Variants in CYTH1 observed in about 807,000 individuals in gnomAD.
CYTH1 encodes cytohesin 1, also known as cytohesin-1.
Under a neutral mutation model 61.8 loss-of-function variants are expected in CYTH1, and 18 were observed. The observed-to-expected ratio is 0.29, with a 90% CI of 0.20 to 0.43. The LOEUF (loss-of-function observed/expected upper bound fraction) is 0.43, where lower values mean the gene tolerates loss of function less well. Among genes scored for constraint, CYTH1 ranks in the 20% least tolerant of loss-of-function variants. CYTH1 has a pLI of 1.00. For missense variants in CYTH1, 336 were observed against 510.5 expected, an observed-to-expected ratio of 0.66 and a Z score of 3.29; for synonymous variants, 174 against 184.3, an observed-to-expected ratio of 0.94 and a Z score of 0.45.
chr17:78,719,374 T>C (rs1189610690), intron 1 of CYTH1, among the ~76,000 whole-genome samples: 1 of 151,842 alleles, frequency 6.6e-6, no homozygotes, highest in East Asian at 1.9e-4. Context: ...AACTATAGGA[T>C]AAGAAGGCAG....
At chr17:78,718,109 C>T (rs1261902031) in intron 1 of CYTH1, among the ~76,000 whole-genome samples, 1 of 151,878 alleles carries the variant, frequency 6.6e-6, no homozygotes, top group Admixed American at 6.6e-5. Context: ...CCAAGGAGGT[C>T]ATTGCCATTT....
At chr17:78,759,519 T>C (rs754370868) in intron 1 of CYTH1, among the ~76,000 whole-genome samples, 1 of 152,032 alleles carries the variant, frequency 6.6e-6, no homozygotes, top group Non-Finnish European at 1.5e-5. Flanking sequence ...CAAAGACACA[T>C]GGGGAAGCTA....
intron 1 of CYTH1, among the ~76,000 whole-genome samples, chr17:78,765,015 C>T (rs1417735839): frequency 1.3e-5 from 2 of 151,990 alleles, no homozygotes; most frequent in East Asian, 1.9e-4. Context: ...GAAGTCTTGT[C>T]GAGAGAGTGC....
At chr17:78,778,309 AAAAAAAAAAAAG>A (rs1232964471) in intron 1 of CYTH1, among the ~76,000 whole-genome samples, 35 of 146,268 alleles carry the variant, frequency 2.4e-4, no homozygotes, top group Non-Finnish European at 4.5e-4. Context: ...AAAAAAAAAA[AAAAAAAAAAAAG>A]GGAAAAAAAA....
chr17:78,754,255 C>T (rs1182548775), intron 1 of CYTH1, among the ~76,000 whole-genome samples: 1 of 152,212 alleles, frequency 6.6e-6, no homozygotes, highest in African/African-American at 2.4e-5. Context: ...CCCTCTTACG[C>T]AGATTTGCCC....
chr17:78,706,710 G>A lies in CYTH1; in HGVS notation c.170+1487C>T, dbSNP rs115430032. On this transcript the variant is annotated intron_variant, in intron 3 of 13. Transcript: ENST00000446868. ...TGGTTATATTATTTTATTCTCACTA[G>A]CACTTGCCAACATGAGGTACCATCA... is the stretch of plus-strand genomic sequence containing the variant. Among the ~76,000 whole-genome samples, 856 of 152,282 alleles carry A rather than the reference G, an allele frequency of 5.6e-3. 13 individuals carry two copies. The highest frequency in any genetic ancestry group is 0.02 in the African/African-American group (815 of 41,548).
chr17:78,752,362 A>G (rs1300584039), intron 1 of CYTH1, among the ~76,000 whole-genome samples: 1 of 152,208 alleles, frequency 6.6e-6, no homozygotes, highest in Non-Finnish European at 1.5e-5. Flanking sequence ...ATTGGAGTAA[A>G]ATCTCTACTA....
intron 1 of CYTH1, among the ~76,000 whole-genome samples, chr17:78,737,129 T>G (rs1047752484): frequency 6.6e-6 from 1 of 152,320 alleles, no homozygotes; most frequent in South Asian, 2.1e-4. Flanking sequence ...CTCTTCACTT[T>G]CAAGTACAGT....
chr17:78,682,161 C>T (rs183792501), intron 11 of CYTH1, among the ~76,000 whole-genome samples: 30 of 152,210 alleles, frequency 2.0e-4, no homozygotes, highest in Admixed American at 1.5e-3. Context: ...GTTTCTCTTC[C>T]GACCTGTGCC....
At chr17:78,750,306 A>G (rs1270899092) in intron 1 of CYTH1, among the ~76,000 whole-genome samples, 1 of 152,152 alleles carries the variant, frequency 6.6e-6, no homozygotes, top group Non-Finnish European at 1.5e-5. Context: ...CACCTATGTG[A>G]GCGGATATGC....
chr17:78,675,906 TC>T lies in CYTH1; in HGVS notation c.*184del. 6.6e-7 allele frequency: 1 copy of T among 1,524,574 alleles called. No homozygotes were observed. Among genetic ancestry groups the T allele is most frequent in the Admixed American group, 2.1e-5 (1 of 47,002 alleles). The allele number at this position is 1,524,574 out of a possible 1,614,324, so 94.4% of individuals were successfully genotyped here. ...GCTGGACAGGTGGCCGGTCCTCTCT[TC>T]CCCAGTGATAACTGCCCACCCTTCT... On this transcript the variant is annotated 3_prime_UTR_variant, in exon 14 of 14. Transcript: ENST00000446868.
At chr17:78,779,290 C>T (rs1343540131) in intron 1 of CYTH1, among the ~76,000 whole-genome samples, 2 of 150,882 alleles carry the variant, frequency 1.3e-5, no homozygotes. Flanking sequence ...ATCCCAGCTA[C>T]TCAGGAGGCT....
At position 78,700,225 on chromosome 17, in the gene CYTH1, T is replaced by C. The variant is rs553519109; in HGVS notation, c.550+106A>G. Reference sequence around the variant, plus strand: ...ATTATAACTATCATTGAGTAAACGTTCCTAGGCATGAATCTCAGCCCTTTT... The same window carrying C: ...ATTATAACTATCATTGAGTAAACGTCCCTAGGCATGAATCTCAGCCCTTTT... On this transcript the variant is annotated intron_variant, in intron 7 of 13. Transcript: ENST00000446868. This position sits in a 1 kb window ranked among gnomAD's most constrained non-coding sequence, Gnocchi z 5.1. The C allele has an allele frequency of 7.2e-5, 69 of 956,604 alleles. No homozygotes were observed. The Admixed American group carries it at 2.0e-3, about 28-fold the overall frequency. 59.3% of individuals were successfully genotyped at this position (956,604 alleles called of 1,614,324 possible).
At chr17:78,731,226 C>A (rs2093292455) in intron 1 of CYTH1, among the ~76,000 whole-genome samples, 1 of 152,036 alleles carries the variant, frequency 6.6e-6, no homozygotes, top group African/African-American at 2.4e-5. Context: ...TTTCAGAGTC[C>A]TTCCCAGGAG....
At chr17:78,728,685 G>T (rs1426275532) in intron 1 of CYTH1, among the ~76,000 whole-genome samples, 9 of 152,188 alleles carry the variant, frequency 5.9e-5, no homozygotes, top group Non-Finnish European at 1.3e-4. Context: ...TAACGTGAGG[G>T]TGTAGCTACC....
chr17:78,760,355 T>TATATATATATA (rs2093416888), intron 1 of CYTH1, among the ~76,000 whole-genome samples: 2 of 52,276 alleles, frequency 3.8e-5, no homozygotes, highest in Admixed American at 2.1e-4. Context: ...AATAGCAGGT[T>TATATATATATA]TATATATATA....
chr17:78,741,629 G>C (rs764045894), intron 1 of CYTH1, among the ~76,000 whole-genome samples: 14 of 152,226 alleles, frequency 9.2e-5, no homozygotes, highest in Non-Finnish European at 2.1e-4. Context: ...GCTAAGTCAA[G>C]ACGGGGTGCG....
At chr17:78,686,786 A>T in intron 11 of CYTH1, among the ~76,000 whole-genome samples, 1 of 151,868 alleles carries the variant, frequency 6.6e-6, no homozygotes, top group Non-Finnish European at 1.5e-5. Flanking sequence ...TAATTTATTT[A>T]TTTTTATTTT....
At position 78,726,830 on chromosome 17, in the gene CYTH1, C is replaced by T. The variant is rs540222286; in HGVS notation, c.23-17098G>A. On this transcript the variant is annotated intron_variant, in intron 1 of 13. Transcript: ENST00000446868. ...GAAAGAAAAGGGACTGGAAGCTTTG[C>T]GTAGTCTTCACTGCACCGCGGTCTG... Among the ~76,000 whole-genome samples, 11 of 152,268 alleles carry T rather than the reference C, an allele frequency of 7.2e-5. 1 individual carries two copies. Among genetic ancestry groups the T allele is most frequent in the African/African-American group, 2.2e-4 (9 of 41,558 alleles).
Sources: gnomAD v4.1 joint callset for allele counts (sites outside exome capture counted in the v4.1 genomes callset) on GRCh38, gnomAD v4.1.1 for gene constraint, Gnocchi (gnomAD v3.1) non-coding constraint, MANE v1.5 for transcripts, NCBI Gene and HGNC (gene_info 2026-07-23, HGNC 2026-07-21) for gene names.